SMKR1: variants seen among roughly 807,000 people sequenced by gnomAD.
SMKR1 encodes small lysine-rich protein 1.
SMKR1 carries 4 observed loss-of-function variants against 4.0 expected under a neutral mutation model. The ratio of observed to expected loss-of-function variants is 1.00; its 90% CI spans 0.49 to 2.30. The LOEUF is 2.30. Among genes scored for constraint, SMKR1 ranks in the 30% most tolerant of loss-of-function variants. SMKR1 has a pLI of 0.02. For synonymous variants in SMKR1, 38 were observed against 32.5 expected (o/e 1.17, Z -0.58); for missense variants, 56 against 81.8 (o/e 0.68, Z 1.22).
Position 129,502,574 on chromosome 7 carries a change from C to A in SMKR1, c.-251C>A. The A allele has an allele frequency of 2.4e-6, 1 of 416,424 alleles. No individual in the cohort carries two copies. The highest frequency in any genetic ancestry group is 4.1e-6 in the Non-Finnish European group (1 of 241,382). The allele number at this position is 416,424 out of a possible 1,614,324, so 25.8% of individuals were successfully genotyped here. A position where few individuals can be genotyped will look rare whatever the true frequency, so the allele number is the denominator to read the frequency against. ...CACAGCTGCGGCGGCCTAGGTGCCG[C>A]GTGGGGCAAGCAGGTGCCTCGCGTC... On this transcript the variant is annotated 5_prime_UTR_variant, in exon 1 of 2. Coordinates refer to ENST00000462322, the MANE Select transcript of SMKR1 (RefSeq NM_001195243.2).
At position 129,512,378 on chromosome 7, in the gene SMKR1, C is replaced by T; in HGVS notation, c.135C>T (p.Cys45=). 2.0e-6 allele frequency: 3 copies of T among 1,536,024 alleles called. No individual in the cohort carries two copies. The highest frequency in any genetic ancestry group is 2.6e-6 in the Non-Finnish European group (3 of 1,146,882). ...ACATCGCCCACAACGTCGCTGACTGCCTGCATCTGCGAGGCTTCCATTGGC... is the reference window on the plus strand; with the variant it reads ...ACATCGCCCACAACGTCGCTGACTGTCTGCATCTGCGAGGCTTCCATTGGC... ...LYYIAHNVAD[C]LHLRGFHWPG... Residue 45 remains cysteine, a synonymous_variant, in exon 2 of 2, where the codon TGC becomes TGT. Transcript: ENST00000462322.
intron 1 of SMKR1, among the ~76,000 whole-genome samples, chr7:129,506,334 C>T (rs56864109): frequency 6.6e-6 from 1 of 152,128 alleles, no homozygotes; most frequent in East Asian, 1.9e-4. Flanking sequence ...CCCAGTTACT[C>T]AGGAGGCTGA....
At chr7:129,507,879 G>A (rs752694881) in intron 1 of SMKR1, among the ~76,000 whole-genome samples, 26 of 152,108 alleles carry the variant, frequency 1.7e-4, no homozygotes, top group Non-Finnish European at 2.6e-4. Flanking sequence ...TTACTGTGGC[G>A]TTTTGAGAGT....
In SMKR1 at chr7:129,512,703, A is replaced by T. The variant is rs1799539756; in HGVS notation, c.*262A>T. 2 of 322,212 alleles carry T rather than the reference A, an allele frequency of 6.2e-6. No homozygotes were observed. The highest frequency in any genetic ancestry group is 1.1e-4 in the South Asian group (1 of 8,806). 20.0% of individuals were successfully genotyped at this position (322,212 alleles called of 1,614,324 possible). A position where few individuals can be genotyped will look rare whatever the true frequency, so the allele number is the denominator to read the frequency against. On this transcript the variant is annotated 3_prime_UTR_variant, in exon 2 of 2. Transcript: ENST00000462322. Reference sequence around the variant, plus strand: ...TCCTACACAGTGTGCTGAAATTAATAGAACTTTCAGAAATTATTATAATTC... The same window carrying T: ...TCCTACACAGTGTGCTGAAATTAATTGAACTTTCAGAAATTATTATAATTC...
At chr7:129,510,550 A>G (rs1799514777) in intron 1 of SMKR1, among the ~76,000 whole-genome samples, 1 of 152,210 alleles carries the variant, frequency 6.6e-6, no homozygotes, top group African/African-American at 2.4e-5. Flanking sequence ...CCTAGGCAAC[A>G]TAGCGAGACT....
chr7:129,510,663 G>A (rs1323968217), intron 1 of SMKR1, among the ~76,000 whole-genome samples: 1 of 152,166 alleles, frequency 6.6e-6, no homozygotes, highest in Non-Finnish European at 1.5e-5. Context: ...GGAAGGTCAG[G>A]GTTACAGTAA....
intron 1 of SMKR1, among the ~76,000 whole-genome samples, chr7:129,511,975 G>T (rs1257527323): frequency 6.6e-6 from 1 of 152,140 alleles, no homozygotes; most frequent in Non-Finnish European, 1.5e-5. Context: ...TTGAGGTCAG[G>T]AGTTTGTGAG....
chr7:129,509,812 T>C (rs1411555271), intron 1 of SMKR1, among the ~76,000 whole-genome samples: 6 of 152,224 alleles, frequency 3.9e-5, no homozygotes, highest in Non-Finnish European at 8.8e-5. Flanking sequence ...GTGCTGGGAT[T>C]ACAGGCGTGA....
chr7:129,511,384 G>A (rs1365223401), intron 1 of SMKR1, among the ~76,000 whole-genome samples: 1 of 152,214 alleles, frequency 6.6e-6, no homozygotes, highest in Admixed American at 6.5e-5. Context: ...CGGGGGAGCT[G>A]AGTGTTTTAA....
Position 129,512,258 on chromosome 7 carries a change from G to GA in SMKR1, c.21dup (p.Gly8ArgfsTer37). ...TTTGTCTTTGAAAGCCAGCTAAAGG[G>GA]AAAAAAGGAAAAGGCCAGGGCAAGT... is the stretch of plus-strand genomic sequence containing the variant. On this transcript the variant is annotated frameshift_variant, in exon 2 of 2. Transcript: ENST00000462322. LOFTEE classifies it high-confidence loss of function. 4 of 1,510,616 alleles carry GA rather than the reference G, an allele frequency of 2.6e-6. No homozygotes were observed. Among genetic ancestry groups the GA allele is most frequent in the Non-Finnish European group, 3.5e-6 (4 of 1,140,486 alleles). The allele number at this position is 1,510,616 out of a possible 1,614,324, so 93.6% of individuals were successfully genotyped here. A position where few individuals can be genotyped will look rare whatever the true frequency, so the allele number is the denominator to read the frequency against.
chr7:129,508,959 A>T (rs1799496202), intron 1 of SMKR1, among the ~76,000 whole-genome samples: 1 of 152,240 alleles, frequency 6.6e-6, no homozygotes, highest in Non-Finnish European at 1.5e-5. Context: ...CATTTTAAAG[A>T]TTAAAACACA....
chr7:129,509,128 C>T lies in SMKR1; in HGVS notation c.4-3119C>T, dbSNP rs563536063. On this transcript the variant is annotated intron_variant, in intron 1 of 1. Transcript: ENST00000462322. ...AGGAGTTGAAGACCAGCCTGGCCAA[C>T]ATGGCGAAACCCCGTCTCTACTAAA... Among the ~76,000 whole-genome samples, 103 of 152,208 alleles carry T rather than the reference C, an allele frequency of 6.8e-4. 1 individual carries two copies. The South Asian group carries it at 0.017, about 25-fold the overall frequency.
At chr7:129,503,084 T>C (rs1167237078) in intron 1 of SMKR1, among the ~76,000 whole-genome samples, 1 of 151,688 alleles carries the variant, frequency 6.6e-6, no homozygotes, top group Admixed American at 6.5e-5. Flanking sequence ...AGACGGTTGA[T>C]GTGGAAAATA....
chr7:129,502,718 C>A lies in SMKR1; in HGVS notation c.-107C>A. The A allele has an allele frequency of 6.7e-7, 1 of 1,500,338 alleles. No individual in the cohort carries two copies. Among genetic ancestry groups the A allele is most frequent in the South Asian group, 1.2e-5 (1 of 83,308 alleles). 92.9% of individuals were successfully genotyped at this position (1,500,338 alleles called of 1,614,324 possible). On this transcript the variant is annotated 5_prime_UTR_variant, in exon 1 of 2. Transcript: ENST00000462322. The stretch of plus-strand genomic sequence containing the variant: ...TTCCCTGAGGAGGGCCGAGAAGGGG[C>A]CGGGGGTGCTAGGGGAACGGGCGCT...
At chr7:129,506,075 T>A (rs1382256935) in intron 1 of SMKR1, among the ~76,000 whole-genome samples, 1 of 152,228 alleles carries the variant, frequency 6.6e-6, no homozygotes, top group African/African-American at 2.4e-5. Flanking sequence ...ACAAAACCTT[T>A]ATTATTCCCA....
intron 1 of SMKR1, among the ~76,000 whole-genome samples, chr7:129,507,738 C>G (rs1400679354): frequency 6.6e-6 from 1 of 152,254 alleles, no homozygotes; most frequent in East Asian, 1.9e-4. Context: ...GTGGTGGTAT[C>G]TCCTGGTTTT....
chr7:129,505,983 G>A (rs1463951777), intron 1 of SMKR1, among the ~76,000 whole-genome samples: 2 of 152,110 alleles, frequency 1.3e-5, no homozygotes, highest in African/African-American at 4.8e-5. Context: ...TTTTAAGTTG[G>A]GAGCTGCATG....
intron 1 of SMKR1, among the ~76,000 whole-genome samples, chr7:129,507,959 CT>C (rs1341998771): frequency 1.3e-5 from 2 of 152,060 alleles, no homozygotes; most frequent in African/African-American, 2.4e-5. Flanking sequence ...TGAGGCTTGT[CT>C]TTTCATTCTC....
In SMKR1 at chr7:129,506,083, C is replaced by T. The variant is rs1008440131; in HGVS notation, c.3+3256C>T. ...CCCAGAAACAAAACCTTTATTATTC[C>T]CATGTAATAATTTCTTAACAGATTT... is the stretch of plus-strand genomic sequence containing the variant. On this transcript the variant is annotated intron_variant, in intron 1 of 1. Coordinates refer to ENST00000462322, the MANE Select transcript of SMKR1 (RefSeq NM_001195243.2). Among the ~76,000 whole-genome samples, 4 of 152,194 alleles carry T rather than the reference C, an allele frequency of 2.6e-5. No homozygotes were observed. In the South Asian group the frequency reaches 8.3e-4, roughly 32 times the overall value.
Sources: gnomAD v4.1 joint callset for allele counts (sites outside exome capture counted in the v4.1 genomes callset) on GRCh38, gnomAD v4.1.1 for gene constraint, MANE v1.5 for transcripts, NCBI Gene and HGNC (gene_info 2026-07-23, HGNC 2026-07-21) for gene names.